PHACTR2: variants seen among roughly 807,000 people sequenced by gnomAD.
PHACTR2 encodes the protein chromosome 6 open reading frame 56.
In PHACTR2, 30 loss-of-function variants were observed where a neutral mutation model predicts 76.0. The observed-to-expected ratio is 0.39, with a 90% CI of 0.30 to 0.54. PHACTR2 has a LOEUF of 0.54. Ranked by LOEUF, PHACTR2 falls within the 20% of genes least tolerant of loss-of-function variation. The pLI, the probability that PHACTR2 is intolerant of heterozygous loss-of-function variation, is 0.61. For synonymous variants in PHACTR2, 292 were observed against 292.5 expected (o/e 1.00, Z 0.02); for missense variants, 696 against 781.1 (o/e 0.89, Z 1.30).
chr6:143,702,395 C>T (rs1423873390), intron 1 of PHACTR2, among the ~76,000 whole-genome samples: 7 of 152,172 alleles, frequency 4.6e-5, no homozygotes, highest in East Asian at 1.9e-4. Flanking sequence ...GCGTGAGCCA[C>T]GGCACCCAGC....
At chr6:143,677,529 C>T (rs2128452132), upstream of PHACTR2, among the ~76,000 whole-genome samples, 1 of 152,086 alleles carries the variant, frequency 6.6e-6, no homozygotes, top group East Asian at 1.9e-4. Context: ...GTTGTCAAGC[C>T]TGATTGAGGC....
At chr6:143,635,343 T>C (rs1167826017) in intron 1 of PHACTR2, among the ~76,000 whole-genome samples, 1 of 152,098 alleles carries the variant, frequency 6.6e-6, no homozygotes, top group Non-Finnish European at 1.5e-5. Flanking sequence ...TGTGTGTGTG[T>C]GTGTGTGTTT....
At chr6:143,770,119 G>A (rs138552289) in intron 6 of PHACTR2, among the ~76,000 whole-genome samples, 217 of 152,218 alleles carry the variant, frequency 1.4e-3, no homozygotes, top group Middle Eastern at 3.4e-3. Flanking sequence ...ATTGGTGAAT[G>A]GATAAACAAA....
rs1254266177 is a variant in PHACTR2, at chr6:143,624,991, AC to A, written c.13+16670del. Among the ~76,000 whole-genome samples, 1 of 152,084 alleles carries A rather than the reference AC, an allele frequency of 6.6e-6. No homozygotes were observed. The highest frequency in any genetic ancestry group is 1.5e-5 in the Non-Finnish European group (1 of 68,008). On this transcript the variant is annotated intron_variant, in intron 1 of 11. Coordinates refer to the PHACTR2 transcript ENST00000305766. This position sits in a 1 kb window ranked among gnomAD's most constrained non-coding sequence, Gnocchi z 4.6. ...GTCAACATGGTGAAAACCCGTATCT[AC>A]TGAAAATAGAAAAATTAGCTGAGCG...
intron 4 of PHACTR2, among the ~76,000 whole-genome samples, chr6:143,759,993 G>A (rs543410113): frequency 4.0e-4 from 61 of 152,194 alleles, no homozygotes; most frequent in East Asian, 1.2e-3. Context: ...TGACTGTAAC[G>A]TGTTCATCTG....
In PHACTR2 at chr6:143,776,915, G is replaced by A. The variant is rs139249195; in HGVS notation, c.1590-413G>A. Among the ~76,000 whole-genome samples the A allele has an allele frequency of 2.0e-5, 3 of 152,316 alleles. No homozygotes were observed. Among genetic ancestry groups the A allele is most frequent in the Non-Finnish European group, 4.4e-5 (3 of 68,032 alleles). On this transcript the variant is annotated intron_variant, in intron 8 of 12. Coordinates refer to ENST00000440869, the MANE Select transcript of PHACTR2 (RefSeq NM_001100164.2). The surrounding 1 kb of genome is among the most constrained non-coding windows in gnomAD (Gnocchi z 5.3). ...CAAAGCTGGCTCACACCATCATGCT[G>A]AAGTTCTAGCCTGTGGAAAAAGGAA... is the stretch of plus-strand genomic sequence containing the variant.
chr6:143,763,643 C>A (rs1197836113), intron 5 of PHACTR2, among the ~76,000 whole-genome samples: 1 of 152,144 alleles, frequency 6.6e-6, no homozygotes, highest in African/African-American at 2.4e-5. Flanking sequence ...ACCCCAAAAC[C>A]ATAGGGATTC....
intron 1 of PHACTR2, among the ~76,000 whole-genome samples, chr6:143,694,958 C>A (rs1777737672): frequency 6.6e-6 from 1 of 152,212 alleles, no homozygotes; most frequent in African/African-American, 2.4e-5. Flanking sequence ...ACAGCACACC[C>A]ACCTCCTCTA....
At chr6:143,729,883 C>T (rs944290721) in intron 2 of PHACTR2, among the ~76,000 whole-genome samples, 15 of 151,736 alleles carry the variant, frequency 9.9e-5, no homozygotes, top group Admixed American at 9.8e-4. Flanking sequence ...TTTCTCTTTT[C>T]AGATCATGCT....
At position 143,761,388 on chromosome 6, in the gene PHACTR2, T is replaced by C. The variant is rs1199226283; in HGVS notation, c.694+748T>C. ...TTGCTTTACAATCAGATATGCTTGATGCAAAGTGGAAACTCCCATTTTTTT... is the reference window on the plus strand; with the variant it reads ...TTGCTTTACAATCAGATATGCTTGACGCAAAGTGGAAACTCCCATTTTTTT... On this transcript the variant is annotated intron_variant, in intron 5 of 12. Coordinates refer to ENST00000440869, the MANE Select transcript of PHACTR2 (RefSeq NM_001100164.2). The surrounding 1 kb of genome is among the most constrained non-coding windows in gnomAD (Gnocchi z 5.2). Among the ~76,000 whole-genome samples, 1 of 152,200 alleles carries C rather than the reference T, an allele frequency of 6.6e-6. No homozygotes were observed. Among genetic ancestry groups the C allele is most frequent in the Non-Finnish European group, 1.5e-5 (1 of 68,032 alleles).
chr6:143,659,867 C>T lies in PHACTR2; in HGVS notation c.13+51545C>T, dbSNP rs1225320095. Among the ~76,000 whole-genome samples the T allele has an allele frequency of 6.6e-6, 1 of 152,162 alleles. No homozygotes were observed. The highest frequency in any genetic ancestry group is 2.4e-5 in the African/African-American group (1 of 41,440). Reference sequence around the variant, plus strand: ...TGAATGTTCCTGATTAGCTTTAGCACTGGTGTATTTCAACCAAATCAATTT... The same window carrying T: ...TGAATGTTCCTGATTAGCTTTAGCATTGGTGTATTTCAACCAAATCAATTT... On this transcript the variant is annotated intron_variant, in intron 1 of 11. Transcript: ENST00000305766. The surrounding 1 kb of genome is among the most constrained non-coding windows in gnomAD (Gnocchi z 5.0).
chr6:143,741,738 C>T (rs922914834), intron 2 of PHACTR2, among the ~76,000 whole-genome samples: 2 of 152,100 alleles, frequency 1.3e-5, no homozygotes, highest in Non-Finnish European at 2.9e-5. Context: ...TATTAGTTCT[C>T]CTTTCATATT....
Position 143,641,288 on chromosome 6 carries a change from C to T in PHACTR2, c.13+32966C>T, listed in dbSNP as rs762213958. Among the ~76,000 whole-genome samples, 1 of 152,098 alleles carries T rather than the reference C, an allele frequency of 6.6e-6. No homozygotes were observed. Among genetic ancestry groups the T allele is most frequent in the Non-Finnish European group, 1.5e-5 (1 of 68,006 alleles). ...CAACATGAAGTTTTTAGAGGACAAA[C>T]ATTCAAACCATAGCAGCATGTGAAG... On this transcript the variant is annotated intron_variant, in intron 1 of 11. Coordinates refer to the PHACTR2 transcript ENST00000305766. The surrounding 1 kb of genome is among the most constrained non-coding windows in gnomAD (Gnocchi z 5.8).
At chr6:143,718,756 C>T (rs756377833) in intron 2 of PHACTR2, among the ~76,000 whole-genome samples, 18 of 151,792 alleles carry the variant, frequency 1.2e-4, no homozygotes, top group Non-Finnish European at 2.6e-4. Flanking sequence ...GAAAGTAGGG[C>T]GAAGTTAAAG....
rs1775010704 is a variant in PHACTR2 at position 143,547,022 on chromosome 6, G to C, written c.217+9815G>C. On this transcript the variant is annotated intron_variant, in intron 1 of 11. Transcript: ENST00000367584. The surrounding 1 kb of genome is among the most constrained non-coding windows in gnomAD (Gnocchi z 4.2). ...ACTGCACTCCAGCCTGGGTAACAAA[G>C]TGTGACCCCATCTAAAAAAAAAAAA... 6.6e-6 allele frequency among the ~76,000 whole-genome samples: 1 copy of C among 151,816 alleles called. No individual in the cohort carries two copies. The highest frequency in any genetic ancestry group is 1.5e-5 in the Non-Finnish European group (1 of 67,978).
rs962714942 is a variant in PHACTR2, at chr6:143,776,767, A to G, written c.1590-561A>G. Among the ~76,000 whole-genome samples, 2 of 152,146 alleles carry G rather than the reference A, an allele frequency of 1.3e-5. No homozygotes were observed. Among genetic ancestry groups the G allele is most frequent in the Non-Finnish European group, 2.9e-5 (2 of 68,038 alleles). On this transcript the variant is annotated intron_variant, in intron 8 of 12. Coordinates refer to ENST00000440869, the MANE Select transcript of PHACTR2 (RefSeq NM_001100164.2). This position sits in a 1 kb window ranked among gnomAD's most constrained non-coding sequence, Gnocchi z 5.3. ...GTAATCTTAATATTACTGTCACATG[A>G]CACTCCCCAGGTAGGTGAGCGATCC...
chr6:143,573,527 A>C (rs1775472159), intron 1 of PHACTR2, among the ~76,000 whole-genome samples: 1 of 152,128 alleles, frequency 6.6e-6, no homozygotes, highest in Non-Finnish European at 1.5e-5. Context: ...GCCTGAGGCC[A>C]GCCCTACCTC....
upstream of PHACTR2, among the ~76,000 whole-genome samples, chr6:143,603,398 T>G (rs1775834983): frequency 6.7e-6 from 1 of 150,142 alleles, no homozygotes. Flanking sequence ...AGGAGCAGTG[T>G]ATGTTGCTCT....
rs962320370 is a variant in PHACTR2, at chr6:143,646,165, G to C, written c.13+37843G>C. On this transcript the variant is annotated intron_variant, in intron 1 of 11. Transcript: ENST00000305766. This position sits in a 1 kb window ranked among gnomAD's most constrained non-coding sequence, Gnocchi z 4.1. ...AGCATCTCTTATGTCTGAGGTCATAGGCTGGGTACAAGAGAGGTATAAATT... is the reference window on the plus strand; with the variant it reads ...AGCATCTCTTATGTCTGAGGTCATACGCTGGGTACAAGAGAGGTATAAATT... 1.3e-5 allele frequency among the ~76,000 whole-genome samples: 2 copies of C among 152,116 alleles called. No individual in the cohort carries two copies. The highest frequency in any genetic ancestry group is 4.8e-5 in the African/African-American group (2 of 41,428).
Sources: allele counts gnomAD v4.1 joint callset (sites outside exome capture counted in the v4.1 genomes callset), GRCh38; gene constraint gnomAD v4.1.1; non-coding constraint Gnocchi (gnomAD v3.1); transcripts MANE v1.5; gene names NCBI Gene and HGNC (gene_info 2026-07-23, HGNC 2026-07-21).